Variants in NLGN1 observed in about 807,000 individuals in gnomAD.
NLGN1 encodes neuroligin 1, also known as neuroligin-1.
Under a neutral mutation model 65.5 loss-of-function variants are expected in NLGN1, and 12 were observed. The ratio of observed to expected loss-of-function variants is 0.18; its 90% CI spans 0.12 to 0.30. The LOEUF (loss-of-function observed/expected upper bound fraction) is 0.30. NLGN1 is among the 10% of genes least tolerant of loss of function. NLGN1 has a pLI of 1.00. For synonymous variants in NLGN1, 350 were observed against 359.5 expected, an observed-to-expected ratio of 0.97 and a Z score of 0.30; for missense variants, 750 against 1,007.1, an observed-to-expected ratio of 0.74 and a Z score of 3.46.
intron 3 of NLGN1, among the ~76,000 whole-genome samples, chr3:173,673,694 C>T (rs1233754075): frequency 6.6e-6 from 1 of 152,104 alleles, no homozygotes; most frequent in African/African-American, 2.4e-5. Context: ...CATCACAATG[C>T]AACCTCCATC....
intron 3 of NLGN1, among the ~76,000 whole-genome samples, chr3:173,735,744 A>G (rs1773639416): frequency 6.6e-6 from 1 of 152,100 alleles, no homozygotes; most frequent in Non-Finnish European, 1.5e-5. Flanking sequence ...TTGAAATAAC[A>G]TTAAAGATTG....
chr3:173,938,262 G>A (rs1270715277), intron 4 of NLGN1, among the ~76,000 whole-genome samples: 1 of 152,114 alleles, frequency 6.6e-6, no homozygotes, highest in Non-Finnish European at 1.5e-5. Context: ...GTTAGGTATG[G>A]CCATTCGAAT....
At chr3:173,501,604 G>T (rs77716452) in intron 2 of NLGN1, among the ~76,000 whole-genome samples, 9,132 of 151,308 alleles carry the variant, frequency 0.06, 325 homozygotes, top group South Asian at 0.12. Context: ...ACTTTGTCCA[G>T]TTTTGAGAGA....
intron 3 of NLGN1, among the ~76,000 whole-genome samples, chr3:173,690,674 T>C (rs992100907): frequency 6.6e-6 from 1 of 152,212 alleles, no homozygotes; most frequent in Non-Finnish European, 1.5e-5. Flanking sequence ...CTTGGTAATC[T>C]GTAATCAAGT....
At chr3:173,527,255 A>T (rs1237274554) in intron 2 of NLGN1, among the ~76,000 whole-genome samples, 1 of 152,154 alleles carries the variant, frequency 6.6e-6, no homozygotes, top group Admixed American at 6.5e-5. Flanking sequence ...AAGCCACTCT[A>T]ACTGAGGTGA....
chr3:173,463,269 T>C (rs1401820523), intron 2 of NLGN1, among the ~76,000 whole-genome samples: 1 of 152,168 alleles, frequency 6.6e-6, no homozygotes, highest in Non-Finnish European at 1.5e-5. Flanking sequence ...TTCAAAAACA[T>C]GAGTAGAACA....
At chr3:173,631,082 G>C (rs933815858) in intron 3 of NLGN1, among the ~76,000 whole-genome samples, 1 of 152,094 alleles carries the variant, frequency 6.6e-6, no homozygotes, top group Admixed American at 6.6e-5. Flanking sequence ...TGGTAACTGT[G>C]TGGGTAGTTT....
intron 4 of NLGN1, among the ~76,000 whole-genome samples, chr3:173,862,505 C>CAAAAAAAA (rs10601211): frequency 9.6e-5 from 4 of 41,704 alleles, no homozygotes; most frequent in African/African-American, 2.1e-4. Context: ...GACTCCGTCT[C>CAAAAAAAA]AAAAAAAAAA....
chr3:173,881,493 C>T (rs1261513068), intron 4 of NLGN1, among the ~76,000 whole-genome samples: 20 of 142,598 alleles, frequency 1.4e-4, no homozygotes, highest in Admixed American at 5.1e-4. Context: ...GGCGCAATCT[C>T]GGCTCACTGC....
chr3:173,517,957 T>C (rs149209538), intron 2 of NLGN1, among the ~76,000 whole-genome samples: 115 of 152,310 alleles, frequency 7.6e-4, no homozygotes, highest in Middle Eastern at 3.4e-3. Context: ...ATAAAAGATA[T>C]CACTACAATG....
intron 4 of NLGN1, among the ~76,000 whole-genome samples, chr3:174,102,091 A>T (rs2152575232): frequency 6.6e-6 from 1 of 152,282 alleles, no homozygotes; most frequent in Non-Finnish European, 1.5e-5. Context: ...TTCTACAATT[A>T]TATGCATAAG....
intron 2 of NLGN1, among the ~76,000 whole-genome samples, chr3:173,494,402 A>G (rs941650851): frequency 6.7e-6 from 1 of 149,238 alleles, no homozygotes; most frequent in African/African-American, 2.5e-5. Flanking sequence ...TCTTTTTATT[A>G]TTGAGTTGTA....
At chr3:173,658,127 T>C (rs1328995599) in intron 3 of NLGN1, among the ~76,000 whole-genome samples, 1 of 151,964 alleles carries the variant, frequency 6.6e-6, no homozygotes, top group African/African-American at 2.4e-5. Flanking sequence ...ACATTATTAG[T>C]AGATGCTGTG....
intron 4 of NLGN1, among the ~76,000 whole-genome samples, chr3:174,018,348 C>T (rs990770938): frequency 2.2e-4 from 34 of 151,866 alleles, no homozygotes; most frequent in South Asian, 6.2e-4. Context: ...GACAGGATTA[C>T]GAGATTAAAG....
At chr3:174,153,834 A>T (rs1056251470) in intron 4 of NLGN1, among the ~76,000 whole-genome samples, 12 of 151,986 alleles carry the variant, frequency 7.9e-5, no homozygotes, top group African/African-American at 2.7e-4. Flanking sequence ...CTCTACAAAA[A>T]TTTTTTTTAA....
At chr3:173,891,083 T>C (rs1486141412) in intron 4 of NLGN1, among the ~76,000 whole-genome samples, 1 of 152,202 alleles carries the variant, frequency 6.6e-6, no homozygotes, top group African/African-American at 2.4e-5. Context: ...AAGGCACTTC[T>C]CTATCCACAT....
chr3:173,982,842 G>T (rs1167105372), intron 4 of NLGN1, among the ~76,000 whole-genome samples: 1 of 152,080 alleles, frequency 6.6e-6, no homozygotes, highest in African/African-American at 2.4e-5. Context: ...GTGTTACATT[G>T]TGGCTAAAAA....
chr3:174,031,061 G>A lies in NLGN1; in HGVS notation c.646+223229G>A, dbSNP rs760507947. On this transcript the variant is annotated intron_variant, in intron 4 of 6. Coordinates refer to ENST00000457714, the Ensembl canonical transcript of NLGN1. Reference sequence around the variant, plus strand: ...TGGAAGAGTAAAACATTTTACATTCGTTTTGCTTTCAGTGCCCAATACTGG... The same window carrying A: ...TGGAAGAGTAAAACATTTTACATTCATTTTGCTTTCAGTGCCCAATACTGG... 7.9e-5 allele frequency among the ~76,000 whole-genome samples: 12 copies of A among 152,246 alleles called. No individual in the cohort carries two copies. In the South Asian group the frequency reaches 1.0e-3, roughly 13 times the overall value.
chr3:173,586,502 T>C (rs1747463829), intron 2 of NLGN1, among the ~76,000 whole-genome samples: 1 of 152,204 alleles, frequency 6.6e-6, no homozygotes, highest in Non-Finnish European at 1.5e-5. Flanking sequence ...GTTTCTGAAA[T>C]CTAATTTTGA....
Sources: gnomAD v4.1 joint callset for allele counts (sites outside exome capture counted in the v4.1 genomes callset) on GRCh38, gnomAD v4.1.1 for gene constraint, MANE v1.5 for transcripts, NCBI Gene and HGNC (gene_info 2026-07-23, HGNC 2026-07-21) for gene names.